Variants in MAGI2 observed in about 807,000 individuals in gnomAD.
MAGI2 encodes the protein membrane-associated guanylate kinase, WW and PDZ domain-containing protein 2.
A neutral mutation model predicts 133.3 loss-of-function variants in MAGI2; 35 were observed. The ratio of observed to expected loss-of-function variants is 0.26; its 90% CI spans 0.20 to 0.35. The LOEUF is 0.35. Among genes scored for constraint, MAGI2 ranks in the 10% least tolerant of loss-of-function variants. The pLI is 1.00. For synonymous variants in MAGI2, 729 were observed against 710.6 expected (o/e 1.03, Z -0.41); for missense variants, 1,636 against 1,863.4 (o/e 0.88, Z 2.25).
intron 1 of MAGI2, among the ~76,000 whole-genome samples, chr7:79,399,079 C>A (rs1030561216): frequency 8.7e-6 from 1 of 114,662 alleles, no homozygotes; most frequent in East Asian, 2.9e-4. Context: ...AGTATTATTT[C>A]TTTTTTTTTT....
intron 1 of MAGI2, among the ~76,000 whole-genome samples, chr7:79,296,128 G>A (rs934843379): frequency 6.6e-6 from 1 of 152,078 alleles, no homozygotes; most frequent in East Asian, 1.9e-4. Flanking sequence ...TGATATTGTG[G>A]CATCTCTAAA....
At chr7:79,338,669 C>A (rs1381324405) in intron 1 of MAGI2, among the ~76,000 whole-genome samples, 1 of 152,056 alleles carries the variant, frequency 6.6e-6, no homozygotes, top group Non-Finnish European at 1.5e-5. Flanking sequence ...CTACTGCTTT[C>A]GTCAGATTCT....
intron 2 of MAGI2, among the ~76,000 whole-genome samples, chr7:78,979,878 GT>G (rs1804631769): frequency 6.6e-6 from 1 of 151,880 alleles, no homozygotes; most frequent in East Asian, 1.9e-4. Flanking sequence ...CAATCTTTCT[GT>G]AAATCTAAGA....
chr7:78,161,273 T>A (rs1305962897), intron 15 of MAGI2, among the ~76,000 whole-genome samples: 1 of 152,350 alleles, frequency 6.6e-6, no homozygotes, highest in African/African-American at 2.4e-5. Context: ...AATGAAAGTT[T>A]ATCTGTCATC....
At chr7:78,044,123 A>G (rs1811147719) in intron 21 of MAGI2, among the ~76,000 whole-genome samples, 1 of 152,196 alleles carries the variant, frequency 6.6e-6, no homozygotes, top group Admixed American at 6.5e-5. Context: ...TTTATGAGAA[A>G]TGTTCATTAA....
intron 10 of MAGI2, chr7:78,255,553 A>T (rs798318): frequency 2.6e-6 from 1 of 381,290 alleles, no homozygotes; most frequent in South Asian, 2.8e-5. Context: ...AAGCACGATT[A>T]AAAGCGTTGC....
chr7:78,742,154 A>G lies in MAGI2; in HGVS notation c.419-114915T>C, dbSNP rs112806726. ...GAATGAATGATAAAGAAATAAATACATAATATAAAAACAAGCCTTTTAATT... is the reference window on the plus strand; with the variant it reads ...GAATGAATGATAAAGAAATAAATACGTAATATAAAAACAAGCCTTTTAATT... On this transcript the variant is annotated intron_variant, in intron 2 of 21. Coordinates refer to ENST00000354212, the MANE Select transcript of MAGI2 (RefSeq NM_012301.4). Among the ~76,000 whole-genome samples the G allele has an allele frequency of 7.2e-3, 1,092 of 152,216 alleles. 8 individuals are homozygous for G. The highest frequency in any genetic ancestry group is 0.01 in the Non-Finnish European group (690 of 68,000).
chr7:78,042,917 A>G (rs1032574333), intron 21 of MAGI2, among the ~76,000 whole-genome samples: 11 of 152,228 alleles, frequency 7.2e-5, no homozygotes, highest in African/African-American at 2.4e-4. Flanking sequence ...CAGTACATCA[A>G]TATATACAAT....
chr7:78,062,632 T>C (rs1020234460), intron 21 of MAGI2, among the ~76,000 whole-genome samples: 5 of 152,034 alleles, frequency 3.3e-5, no homozygotes, highest in Non-Finnish European at 5.9e-5. Flanking sequence ...GGCTTTGTCA[T>C]CTGGCGCTCC....
chr7:78,890,500 A>G (rs1315881444), intron 2 of MAGI2, among the ~76,000 whole-genome samples: 1 of 152,222 alleles, frequency 6.6e-6, no homozygotes, highest in Non-Finnish European at 1.5e-5. Context: ...CAGCAAATGT[A>G]AAAGAACAGA....
At chr7:78,619,565 T>C (rs1401521039) in intron 3 of MAGI2, among the ~76,000 whole-genome samples, 1 of 151,948 alleles carries the variant, frequency 6.6e-6, no homozygotes, top group African/African-American at 2.4e-5. Context: ...TCAGTCCTTC[T>C]AGTCTCTTTG....
chr7:78,383,345 C>A (rs368328059), intron 6 of MAGI2, among the ~76,000 whole-genome samples: 2 of 151,954 alleles, frequency 1.3e-5, no homozygotes, highest in African/African-American at 2.4e-5. Flanking sequence ...GGTTTTTATA[C>A]GCATTTCTCT....
chr7:79,224,195 G>A (rs1428253938), intron 1 of MAGI2, among the ~76,000 whole-genome samples: 1 of 151,896 alleles, frequency 6.6e-6, no homozygotes, highest in East Asian at 1.9e-4. Flanking sequence ...CTACCCCAAG[G>A]TCTCCTCCAA....
intron 2 of MAGI2, among the ~76,000 whole-genome samples, chr7:78,903,750 G>C (rs749685621): frequency 1.5e-4 from 23 of 152,174 alleles, no homozygotes; most frequent in Non-Finnish European, 2.6e-4. Context: ...GTGTGTGTGC[G>C]TGTGTGCATA....
chr7:78,090,730 C>G (rs1344839981), intron 20 of MAGI2, among the ~76,000 whole-genome samples: 2 of 152,154 alleles, frequency 1.3e-5, no homozygotes, highest in Non-Finnish European at 2.9e-5. Context: ...ACAACACAAT[C>G]TTCTACTTGC....
intron 2 of MAGI2, among the ~76,000 whole-genome samples, chr7:78,731,828 T>C (rs1307743682): frequency 2.0e-5 from 3 of 152,084 alleles, no homozygotes; most frequent in Non-Finnish European, 4.4e-5. Flanking sequence ...GTTTTGGGGG[T>C]TGGATACCCT....
intron 2 of MAGI2, among the ~76,000 whole-genome samples, chr7:78,666,109 T>C (rs1323255977): frequency 1.3e-5 from 2 of 152,134 alleles, no homozygotes; most frequent in South Asian, 2.1e-4. Context: ...ACTTTTGCTA[T>C]CCAACGTAAG....
In MAGI2 at chr7:78,019,621, C is replaced by G. The variant is rs1215562913; in HGVS notation, c.4062G>C (p.Ala1354=). ...ASEARAPGLA[A]ADAADAARAG... The stretch of plus-strand genomic sequence containing the variant: ...CCCGCGCCGCGTCCGCCGCGTCTGC[C>G]GCCGCGAGCCCGGGCGCCCTGGCCT... Residue 1354 remains alanine (A), a synonymous_variant, in exon 22 of 22, where the codon GCG becomes GCC. Transcript: ENST00000354212. The G allele has an allele frequency of 1.0e-6, 1 of 991,106 alleles. No homozygotes were observed. The highest frequency in any genetic ancestry group is 1.2e-6 in the Non-Finnish European group (1 of 835,650). The allele number at this position is 991,106 out of a possible 1,614,324, so 61.4% of individuals were successfully genotyped here. A position where few individuals can be genotyped will look rare whatever the true frequency, so the allele number is the denominator to read the frequency against.
At chr7:79,084,219 T>C (rs1020850047) in intron 1 of MAGI2, among the ~76,000 whole-genome samples, 43 of 151,752 alleles carry the variant, frequency 2.8e-4, no homozygotes, top group Admixed American at 1.4e-3. Flanking sequence ...TTCCTTTTTC[T>C]AGTTTTATAA....
Sources: allele counts gnomAD v4.1 joint callset (sites outside exome capture counted in the v4.1 genomes callset), GRCh38; gene constraint gnomAD v4.1.1; transcripts MANE v1.5; gene names NCBI Gene and HGNC (gene_info 2026-07-23, HGNC 2026-07-21).